ST3GAL4: variants seen among roughly 807,000 people sequenced by gnomAD.
ST3GAL4 encodes the protein ST3 beta-galactoside alpha-2,3-sialyltransferase 4.
In ST3GAL4, 24 loss-of-function variants were observed where a neutral mutation model predicts 42.6. The observed-to-expected ratio is 0.56, with a 90% confidence interval of 0.41 to 0.79. ST3GAL4 has a LOEUF of 0.79. ST3GAL4 is among the 30% of genes least tolerant of loss of function. The probability of loss-of-function intolerance (pLI) is 0.00; values close to 1 mark genes in which losing one functional copy is unlikely to be tolerated. For missense variants in ST3GAL4, 311 were observed against 430.8 expected, an observed-to-expected ratio of 0.72 and a Z score of 2.46; for synonymous variants, 135 against 163.2, an observed-to-expected ratio of 0.83 and a Z score of 1.32.
Position 126,378,981 on chromosome 11 carries a change from C to T in ST3GAL4, c.-61+23139C>T, listed in dbSNP as rs773641553. On this transcript the variant is annotated intron_variant, in intron 1 of 10. Transcript: ENST00000444328. This position sits in a 1 kb window ranked among gnomAD's most constrained non-coding sequence, Gnocchi z 5.3. ...CCCAGTTCCATTCATGTTTTCTGTG[C>T]GTAGAGATAAGTTACCATTAATGAC... Among the ~76,000 whole-genome samples the T allele has an allele frequency of 3.9e-5, 6 of 152,172 alleles. No homozygotes were observed. The highest frequency in any genetic ancestry group is 7.2e-5 in the African/African-American group (3 of 41,446).
intron 9 of ST3GAL4, among the ~76,000 whole-genome samples, chr11:126,412,197 G>T (rs1954561910): frequency 6.6e-6 from 1 of 152,174 alleles, no homozygotes; most frequent in South Asian, 2.1e-4. Context: ...GGCAGAGCTG[G>T]CTAGAAGGCC....
In ST3GAL4 at chr11:126,376,169, C is replaced by T. The variant is rs1048404397; in HGVS notation, c.-61+20327C>T. ...ATAGAGCATATTCTATAGTAAGTTA[C>T]TCCGATTGGCTTTTGGTATTAAAAT... On this transcript the variant is annotated intron_variant, in intron 1 of 10. Transcript: ENST00000444328. The surrounding 1 kb of genome is among the most constrained non-coding windows in gnomAD (Gnocchi z 5.1). 6.6e-6 allele frequency among the ~76,000 whole-genome samples: 1 copy of T among 152,162 alleles called. No homozygotes were observed. Among genetic ancestry groups the T allele is most frequent in the African/African-American group, 2.4e-5 (1 of 41,432 alleles).
In ST3GAL4 at chr11:126,414,220, A is replaced by C. The variant is rs1250988527; in HGVS notation, c.*173A>C. On this transcript the variant is annotated 3_prime_UTR_variant, in exon 11 of 11. Coordinates refer to ENST00000444328, the MANE Select transcript of ST3GAL4 (RefSeq NM_001254757.2). ...TGAGGCCATGCCCCTGGCTGCTCTT[A>C]TGGAGCCGAGATCCAGTCAGGGTGG... 3.1e-6 allele frequency: 2 copies of C among 653,152 alleles called. No individual in the cohort carries two copies. The highest frequency in any genetic ancestry group is 5.4e-6 in the Non-Finnish European group (2 of 372,262). 40.5% of individuals were successfully genotyped at this position (653,152 alleles called of 1,614,324 possible).
In ST3GAL4 at chr11:126,406,618, G is replaced by A. The variant is rs1954245138; in HGVS notation, c.101+61G>A. The A allele has an allele frequency of 1.9e-6, 3 of 1,610,548 alleles. No individual in the cohort carries two copies. The highest frequency in any genetic ancestry group is 2.2e-5 in the South Asian group (2 of 90,776). ...GTCAGGGACAGGGCTTAGGGATGGA[G>A]CATCATGGAGCGGGGGACCTAGTAG... is the stretch of plus-strand genomic sequence containing the variant. On this transcript the variant is annotated intron_variant, in intron 3 of 10. Coordinates refer to ENST00000444328, the MANE Select transcript of ST3GAL4 (RefSeq NM_001254757.2). The surrounding 1 kb of genome is among the most constrained non-coding windows in gnomAD (Gnocchi z 5.4).
At chr11:126,388,726 T>G (rs1248031397) in intron 1 of ST3GAL4, among the ~76,000 whole-genome samples, 3 of 146,308 alleles carry the variant, frequency 2.1e-5, no homozygotes, top group African/African-American at 7.7e-5. Context: ...TTTACTGATA[T>G]GTTAGGTATA....
In ST3GAL4 at chr11:126,409,699, G is replaced by A. The variant is rs1318213123; in HGVS notation, c.771+288G>A. ...AGGCGCTGGTCAGAATTTGTCAACT[G>A]GGGAGCTGCTGGAACAGTCAGTGGT... On this transcript the variant is annotated intron_variant, in intron 9 of 10. Transcript: ENST00000444328. This position sits in a 1 kb window ranked among gnomAD's most constrained non-coding sequence, Gnocchi z 4.9. Among the ~76,000 whole-genome samples the A allele has an allele frequency of 6.6e-6, 1 of 152,156 alleles. No homozygotes were observed. Among genetic ancestry groups the A allele is most frequent in the Non-Finnish European group, 1.5e-5 (1 of 68,030 alleles).
chr11:126,405,651 A>G (rs1256140093), intron 1 of ST3GAL4: 7 of 197,046 alleles, frequency 3.6e-5, no homozygotes, highest in African/African-American at 1.4e-4. Context: ...TGGATGGTGG[A>G]GAATAGGTGA....
chr11:126,412,689 A>G (rs1275753556), intron 9 of ST3GAL4, among the ~76,000 whole-genome samples: 3 of 152,138 alleles, frequency 2.0e-5, no homozygotes. Flanking sequence ...AAAAAAATAG[A>G]GCGCCACCCC....
intron 1 of ST3GAL4, among the ~76,000 whole-genome samples, chr11:126,356,871 C>G (rs1245557781): frequency 6.6e-6 from 1 of 152,246 alleles, no homozygotes; most frequent in Non-Finnish European, 1.5e-5. Context: ...GACACACACC[C>G]GTGTCACTGT....
chr11:126,380,118 C>T (rs1057150000), intron 1 of ST3GAL4, among the ~76,000 whole-genome samples: 8 of 151,906 alleles, frequency 5.3e-5, no homozygotes, highest in African/African-American at 1.7e-4. Context: ...AAAAATTAGC[C>T]GGGCATGGTG....
intron 1 of ST3GAL4, among the ~76,000 whole-genome samples, chr11:126,399,038 C>A (rs1245957984): frequency 6.6e-6 from 1 of 152,158 alleles, no homozygotes; most frequent in Non-Finnish European, 1.5e-5. Flanking sequence ...TGGGATCATT[C>A]TTATTTTCTT....
At position 126,359,382 on chromosome 11, in the gene ST3GAL4, G is replaced by A. The variant is rs1952172289; in HGVS notation, c.-61+3540G>A. On this transcript the variant is annotated intron_variant, in intron 1 of 10. Transcript: ENST00000444328. The surrounding 1 kb of genome is among the most constrained non-coding windows in gnomAD (Gnocchi z 4.8). The stretch of plus-strand genomic sequence containing the variant: ...CCTGTAATTAAGCCCATTTATAAAT[G>A]AAGAAATGGAGGATTGAAGGATTAA... Among the ~76,000 whole-genome samples the A allele has an allele frequency of 6.6e-6, 1 of 152,010 alleles. No homozygotes were observed. The highest frequency in any genetic ancestry group is 1.9e-4 in the East Asian group (1 of 5,186).
intron 6 of ST3GAL4, 74 bp downstream of exon 6, chr11:126,407,708 C>T: frequency 7.1e-7 from 1 of 1,415,972 alleles, no homozygotes. Context: ...CCCCACTCCC[C>T]ACCCCCCCGC....
In ST3GAL4 at chr11:126,373,081, A is replaced by C. The variant is rs78411544; in HGVS notation, c.-61+17239A>C. On this transcript the variant is annotated intron_variant, in intron 1 of 10. Coordinates refer to ENST00000444328, the MANE Select transcript of ST3GAL4 (RefSeq NM_001254757.2). This position sits in a 1 kb window ranked among gnomAD's most constrained non-coding sequence, Gnocchi z 5.5. ...TACATGCACTGTACCTGACTTGTTT[A>C]AAGCCTGATGTCTTGAGTACTGTGC... Among the ~76,000 whole-genome samples, 3,935 of 152,344 alleles carry C rather than the reference A, an allele frequency of 0.026. 76 individuals carry two copies. The highest frequency in any genetic ancestry group is 0.04 in the Non-Finnish European group (2,738 of 68,042).
At chr11:126,404,059 TTTTG>T (rs1289694513) in intron 1 of ST3GAL4, among the ~76,000 whole-genome samples, 6 of 152,240 alleles carry the variant, frequency 3.9e-5, no homozygotes, top group Admixed American at 3.3e-4. Context: ...AAAAAATTTT[TTTTG>T]TTTAAGTACT....
intron 4 of ST3GAL4, 39 bp downstream of exon 4, chr11:126,407,062 G>A: frequency 6.3e-7 from 1 of 1,592,000 alleles, no homozygotes; most frequent in Non-Finnish European, 8.6e-7. Flanking sequence ...GCAGGGCATG[G>A]AGCGAGCTGG....
In ST3GAL4 at chr11:126,406,672, G is replaced by A. The variant is rs933783925; in HGVS notation, c.101+115G>A. On this transcript the variant is annotated intron_variant, in intron 3 of 10. Coordinates refer to ENST00000444328, the MANE Select transcript of ST3GAL4 (RefSeq NM_001254757.2). The surrounding 1 kb of genome is among the most constrained non-coding windows in gnomAD (Gnocchi z 5.4). The stretch of plus-strand genomic sequence containing the variant: ...AGGAAGGTTCCAAGAGCCGGCACAT[G>A]ACCTCATCCCTTCAGCTGCTGGTAC... 1.6e-6 allele frequency: 2 copies of A among 1,288,498 alleles called. No homozygotes were observed. The highest frequency in any genetic ancestry group is 3.0e-5 in the African/African-American group (2 of 67,314). The allele number at this position is 1,288,498 out of a possible 1,614,324, so 79.8% of individuals were successfully genotyped here. A position where few individuals can be genotyped will look rare whatever the true frequency, so the allele number is the denominator to read the frequency against.
At position 126,412,343 on chromosome 11, in the gene ST3GAL4, C is replaced by T. The variant is rs117304849; in HGVS notation, c.772-1162C>T. 7.2e-5 allele frequency among the ~76,000 whole-genome samples: 11 copies of T among 152,236 alleles called. No individual in the cohort carries two copies. The East Asian group carries it at 1.5e-3, about 21-fold the overall frequency. ...TCAGAGAGGGAGAAAGCTGGCATGTCGACAGGCCTGATGAGGTCCAGGAAA... is the reference window on the plus strand; with the variant it reads ...TCAGAGAGGGAGAAAGCTGGCATGTTGACAGGCCTGATGAGGTCCAGGAAA... On this transcript the variant is annotated intron_variant, in intron 9 of 10. Coordinates refer to ENST00000444328, the MANE Select transcript of ST3GAL4 (RefSeq NM_001254757.2).
At chr11:126,399,338 T>TC (rs1440219460) in intron 1 of ST3GAL4, among the ~76,000 whole-genome samples, 1 of 118,942 alleles carries the variant, frequency 8.4e-6, no homozygotes, top group African/African-American at 3.3e-5. Flanking sequence ...GGAGTCTCAC[T>TC]CTGTTGCCCA....
Sources: allele counts gnomAD v4.1 joint callset (sites outside exome capture counted in the v4.1 genomes callset), GRCh38; gene constraint gnomAD v4.1.1; non-coding constraint Gnocchi (gnomAD v3.1); transcripts MANE v1.5; gene names NCBI Gene and HGNC (gene_info 2026-07-23, HGNC 2026-07-21).